Variants in SUPT3H observed in about 807,000 individuals in gnomAD.
SUPT3H encodes the protein SPT3 homolog, SAGA and STAGA complex component, also known as transcription initiation protein SPT3 homolog.
SUPT3H carries 44 observed loss-of-function variants against 44.3 expected under a neutral mutation model. The ratio of observed to expected loss-of-function variants is 0.99; its 90% confidence interval spans 0.78 to 1.28. SUPT3H has a LOEUF of 1.28. Among genes scored for constraint, SUPT3H ranks in the 50% most tolerant of loss-of-function variants. SUPT3H has a pLI of 0.00. For missense variants in SUPT3H, 380 were observed against 387.1 expected (o/e 0.98, Z 0.15); for synonymous variants, 124 against 125.6 (o/e 0.99, Z 0.09).
chr6:44,820,034 G>C (rs1767186701), intron 11 of SUPT3H, among the ~76,000 whole-genome samples: 1 of 151,786 alleles, frequency 6.6e-6, no homozygotes, highest in East Asian at 2.0e-4. Flanking sequence ...ACCAGCCTGG[G>C]CAACGTGGTG....
intron 2 of SUPT3H, among the ~76,000 whole-genome samples, chr6:45,238,344 C>A (rs1769600197): frequency 6.6e-6 from 1 of 152,154 alleles, no homozygotes; most frequent in African/African-American, 2.4e-5. Flanking sequence ...CAGAAAGTAA[C>A]CATATGTAGG....
chr6:44,927,887 C>T (rs1250156020), intron 10 of SUPT3H, among the ~76,000 whole-genome samples: 2 of 152,058 alleles, frequency 1.3e-5, no homozygotes, highest in Admixed American at 1.3e-4. Context: ...CACAGGCACA[C>T]GCATTTGAGT....
At chr6:45,268,581 A>G (rs1775625338) in intron 2 of SUPT3H, among the ~76,000 whole-genome samples, 1 of 152,228 alleles carries the variant, frequency 6.6e-6, no homozygotes, top group Non-Finnish European at 1.5e-5. Flanking sequence ...CAATTATACA[A>G]GTGTATAGTA....
intron 2 of SUPT3H, among the ~76,000 whole-genome samples, chr6:45,331,085 C>T (rs746304935): frequency 6.6e-6 from 1 of 150,980 alleles, no homozygotes; most frequent in Non-Finnish European, 1.5e-5. Context: ...ACAACTGCTT[C>T]ACCTCAAATA....
chr6:45,281,479 A>G (rs1297659504), intron 2 of SUPT3H, among the ~76,000 whole-genome samples: 1 of 152,188 alleles, frequency 6.6e-6, no homozygotes, highest in Admixed American at 6.5e-5. Context: ...TGTGCCCACA[A>G]AGCCTCGCTC....
intron 2 of SUPT3H, among the ~76,000 whole-genome samples, chr6:45,306,118 G>A (rs1782955852): frequency 1.3e-5 from 2 of 152,154 alleles, no homozygotes; most frequent in South Asian, 2.1e-4. Context: ...AGATGCCAGA[G>A]CCATACTCCC....
intron 2 of SUPT3H, among the ~76,000 whole-genome samples, chr6:45,111,457 T>A (rs1181523932): frequency 2.6e-5 from 4 of 152,008 alleles, no homozygotes; most frequent in Non-Finnish European, 5.9e-5. Context: ...TTGAGGGGTT[T>A]TCCAAAGTGT....
intron 2 of SUPT3H, among the ~76,000 whole-genome samples, chr6:45,167,637 T>C (rs1324256496): frequency 6.6e-6 from 1 of 151,368 alleles, no homozygotes; most frequent in Non-Finnish European, 1.5e-5. Flanking sequence ...TGAAAACTTC[T>C]AGGACACAAG....
At chr6:45,339,592 C>CTATAT (rs1789334307) in intron 2 of SUPT3H, among the ~76,000 whole-genome samples, 1 of 151,710 alleles carries the variant, frequency 6.6e-6, no homozygotes, top group African/African-American at 2.4e-5. Context: ...GTTTAACAAG[C>CTATAT]TATATTAATA....
chr6:45,280,319 T>C (rs914652199), intron 2 of SUPT3H, among the ~76,000 whole-genome samples: 3 of 152,000 alleles, frequency 2.0e-5, no homozygotes, highest in Non-Finnish European at 2.9e-5. Context: ...CTGGCCAACA[T>C]GGTGAAACCC....
intron 2 of SUPT3H, among the ~76,000 whole-genome samples, chr6:45,159,835 G>A (rs188299902): frequency 2.0e-5 from 3 of 152,234 alleles, no homozygotes; most frequent in Non-Finnish European, 2.9e-5. Flanking sequence ...AGTTATGTCA[G>A]GAATTTTTCA....
At chr6:44,876,475 G>A (rs887498106) in intron 10 of SUPT3H, among the ~76,000 whole-genome samples, 1 of 131,298 alleles carries the variant, frequency 7.6e-6, no homozygotes. Context: ...GACACTGGAA[G>A]GGGAATATCA....
chr6:44,950,830 ATTATTATTAT>A (rs1774183628), intron 9 of SUPT3H, among the ~76,000 whole-genome samples: 1 of 125,612 alleles, frequency 8.0e-6, no homozygotes. Flanking sequence ...TTTATTTTTT[ATTATTATTAT>A]TTTTTATTTA....
intron 2 of SUPT3H, among the ~76,000 whole-genome samples, chr6:45,265,639 A>G (rs1246092219): frequency 6.6e-6 from 1 of 152,096 alleles, no homozygotes. Flanking sequence ...AAGGCACACC[A>G]AAGTAGGGTT....
At chr6:45,271,079 G>A (rs904109789) in intron 2 of SUPT3H, among the ~76,000 whole-genome samples, 1 of 152,182 alleles carries the variant, frequency 6.6e-6, no homozygotes, top group African/African-American at 2.4e-5. Flanking sequence ...GGTGACCTGG[G>A]TGCTGTTAAA....
intron 2 of SUPT3H, among the ~76,000 whole-genome samples, chr6:45,295,280 C>T (rs1000684686): frequency 2.0e-5 from 3 of 151,874 alleles, no homozygotes; most frequent in African/African-American, 4.8e-5. Flanking sequence ...GGATACTAGG[C>T]TAGCCACATG....
chr6:44,997,735 C>CT (rs148729163), intron 6 of SUPT3H, among the ~76,000 whole-genome samples: 1,661 of 151,872 alleles, frequency 0.011, 41 homozygotes, highest in African/African-American at 0.038. Context: ...TGACAGAACT[C>CT]TTAATATTTT....
At chr6:45,007,004 A>G (rs1005970140) in intron 5 of SUPT3H, among the ~76,000 whole-genome samples, 6 of 152,056 alleles carry the variant, frequency 3.9e-5, no homozygotes, top group South Asian at 2.1e-4. Flanking sequence ...TCTGCACTTG[A>G]TATTTGCATA....
intron 3 of SUPT3H, among the ~76,000 whole-genome samples, chr6:45,063,978 A>G (rs867783597): frequency 0.012 from 770 of 66,458 alleles, no homozygotes; most frequent in Admixed American, 0.017. Context: ...GATACTCCTC[A>G]AGAAGAGCAA....
Sources: gnomAD v4.1 joint callset for allele counts (sites outside exome capture counted in the v4.1 genomes callset) on GRCh38, gnomAD v4.1.1 for gene constraint, MANE v1.5 for transcripts, NCBI Gene and HGNC (gene_info 2026-07-23, HGNC 2026-07-21) for gene names.